The following DOCK1 variants were observed in gnomAD, a reference collection of about 807,000 sequenced individuals.
DOCK1 encodes the protein dedicator of cytokinesis 1, also known as dedicator of cytokinesis protein 1.
DOCK1 carries 138 observed loss-of-function variants against 262.7 expected under a neutral mutation model. The ratio of observed to expected loss-of-function variants is 0.53; its 90% CI spans 0.46 to 0.61. The LOEUF (loss-of-function observed/expected upper bound fraction) is 0.61. Among genes scored for constraint, DOCK1 ranks in the 20% least tolerant of loss-of-function variants. The pLI is 0.00. For missense variants in DOCK1, 1,908 were observed against 2,370.7 expected, an observed-to-expected ratio of 0.80 and a Z score of 4.05; for synonymous variants, 866 against 867.4, an observed-to-expected ratio of 1.00 and a Z score of 0.03.
intron 46 of DOCK1, among the ~76,000 whole-genome samples, chr10:127,422,911 C>A (rs1295399567): frequency 6.6e-6 from 1 of 151,876 alleles, no homozygotes; most frequent in Non-Finnish European, 1.5e-5. Flanking sequence ...AGTTTCAAGT[C>A]CTACAGAGGA....
intron 24 of DOCK1, among the ~76,000 whole-genome samples, chr10:127,108,187 A>G (rs938532119): frequency 2.0e-5 from 3 of 152,256 alleles, no homozygotes; most frequent in Non-Finnish European, 4.4e-5. Flanking sequence ...GTTTTAATAA[A>G]CAGAAGAGAT....
chr10:127,226,867 C>T lies in DOCK1; in HGVS notation c.2848-21141C>T, dbSNP rs565799651. On this transcript the variant is annotated intron_variant, in intron 27 of 51. Transcript: ENST00000623213. ...TTTCTCCCGCTCCCATCCCCACCTT[C>T]ACCTGGGAGGCATGCTATTGCGTTC... is the stretch of plus-strand genomic sequence containing the variant. Among the ~76,000 whole-genome samples, 13 of 152,310 alleles carry T rather than the reference C, an allele frequency of 8.5e-5. No homozygotes were observed. The South Asian group carries it at 2.3e-3, about 27-fold the overall frequency.
chr10:127,318,959 C>CCCT (rs2062403102), intron 29 of DOCK1, among the ~76,000 whole-genome samples: 1 of 152,192 alleles, frequency 6.6e-6, no homozygotes, highest in Non-Finnish European at 1.5e-5. Context: ...TGTCCCTTGA[C>CCCT]CAGAGACTGG....
intron 29 of DOCK1, among the ~76,000 whole-genome samples, chr10:127,310,156 T>G (rs2062012768): frequency 6.6e-6 from 1 of 152,186 alleles, no homozygotes; most frequent in African/African-American, 2.4e-5. Context: ...ATTATAAGCG[T>G]GAGCCACTGC....
intron 14 of DOCK1, among the ~76,000 whole-genome samples, chr10:127,023,720 G>A (rs1183168506): frequency 6.6e-6 from 1 of 151,972 alleles, no homozygotes; most frequent in Non-Finnish European, 1.5e-5. Flanking sequence ...TTACAGGCGT[G>A]AGCCACAGTG....
At chr10:127,140,160 A>G (rs1248623315) in intron 27 of DOCK1, among the ~76,000 whole-genome samples, 7 of 152,206 alleles carry the variant, frequency 4.6e-5, no homozygotes, top group African/African-American at 1.7e-4. Flanking sequence ...TAACAGTACA[A>G]TTTCGGCTAC....
At chr10:127,081,445 T>A (rs975801960) in intron 23 of DOCK1, among the ~76,000 whole-genome samples, 1 of 151,982 alleles carries the variant, frequency 6.6e-6, no homozygotes, top group Non-Finnish European at 1.5e-5. Flanking sequence ...TTAATGCTTC[T>A]GTTGTTCTCA....
chr10:127,114,310 A>T (rs552297396), intron 25 of DOCK1, among the ~76,000 whole-genome samples: 1 of 152,312 alleles, frequency 6.6e-6, no homozygotes, highest in South Asian at 2.1e-4. Context: ...AGAAAGAAGC[A>T]GGACCAGCTA....
In DOCK1 at chr10:127,018,662, A is replaced by T. The variant is rs189515816; in HGVS notation, c.1202-48A>T. On this transcript the variant is annotated intron_variant, in intron 12 of 51. Transcript: ENST00000623213. ...AAATTGGTTTCGTGAAAACTTCTAA[A>T]AATGCATAGGATAAAATGCGACTTA... The T allele has an allele frequency of 5.1e-5, 82 of 1,611,244 alleles. No individual in the cohort carries two copies. The African/African-American group carries it at 9.9e-4, about 19-fold the overall frequency.
intron 38 of DOCK1, among the ~76,000 whole-genome samples, chr10:127,388,797 G>A (rs1302213546): frequency 1.3e-5 from 2 of 152,204 alleles, no homozygotes; most frequent in African/African-American, 2.4e-5. Context: ...AGACTTCAAG[G>A]GGTGGAGAAG....
At chr10:127,197,421 A>G (rs567359992) in intron 27 of DOCK1, among the ~76,000 whole-genome samples, 1 of 152,262 alleles carries the variant, frequency 6.6e-6, no homozygotes, top group Admixed American at 6.5e-5. Flanking sequence ...AGCTCAGAGC[A>G]GCAGACCCAG....
chr10:127,017,193 A>C (rs1424222108), intron 12 of DOCK1, among the ~76,000 whole-genome samples: 1 of 150,968 alleles, frequency 6.6e-6, no homozygotes, highest in African/African-American at 2.4e-5. Context: ...CCACACATAC[A>C]CACGCACACA....
At chr10:127,110,191 CAT>C in intron 24 of DOCK1, 55 bp from the exon 25 acceptor site, 3 of 1,420,086 alleles carry the variant, frequency 2.1e-6, no homozygotes, top group Non-Finnish European at 2.9e-6. Context: ...ATTGTAACAA[CAT>C]TGGATCCTTT....
At chr10:126,966,042 T>C (rs950790963) in intron 1 of DOCK1, among the ~76,000 whole-genome samples, 16 of 152,194 alleles carry the variant, frequency 1.1e-4, no homozygotes, top group Non-Finnish European at 2.4e-4. Context: ...TCTTAGGCTC[T>C]AGTATCCTCT....
intron 27 of DOCK1, among the ~76,000 whole-genome samples, chr10:127,152,213 T>C (rs923998231): frequency 5.3e-5 from 8 of 152,204 alleles, no homozygotes; most frequent in Admixed American, 3.3e-4. Flanking sequence ...CTTCCTAACG[T>C]ACTGATGTTC....
rs183426815 is a variant in DOCK1, at chr10:127,159,401, G to A, written c.2847+31637G>A. 1.4e-4 allele frequency among the ~76,000 whole-genome samples: 21 copies of A among 151,986 alleles called. 1 individual carries two copies. The highest frequency in any genetic ancestry group is 5.9e-5 in the Non-Finnish European group (4 of 68,002). On this transcript the variant is annotated intron_variant, in intron 27 of 51. Coordinates refer to ENST00000623213, the MANE Select transcript of DOCK1 (RefSeq NM_001290223.2). ...GCTACCTTATACCTTTATAATAATC[G>A]GCTCTAATTCTTCAGTTGTTACTAT...
intron 22 of DOCK1, among the ~76,000 whole-genome samples, chr10:127,053,809 C>CTGTA (rs1218050013): frequency 3.3e-5 from 5 of 152,196 alleles, no homozygotes; most frequent in African/African-American, 7.2e-5. Context: ...CGCCTCTTCA[C>CTGTA]TGTATGATTC....
chr10:126,931,239 T>C lies in DOCK1; in HGVS notation c.46+25676T>C, dbSNP rs890580045. The stretch of plus-strand genomic sequence containing the variant: ...GAGCTTAGACTTGGAGAGACATGGA[T>C]AGAAGCCAGGGGGAGAAGTCCAGAC... On this transcript the variant is annotated intron_variant, in intron 1 of 51. Transcript: ENST00000623213. Among the ~76,000 whole-genome samples, 903 of 152,260 alleles carry C rather than the reference T, an allele frequency of 5.9e-3. 8 individuals are homozygous for C. Among genetic ancestry groups the C allele is most frequent in the African/African-American group, 0.02 (832 of 41,536 alleles).
At chr10:127,150,335 A>G (rs966450171) in intron 27 of DOCK1, among the ~76,000 whole-genome samples, 1 of 150,762 alleles carries the variant, frequency 6.6e-6, no homozygotes, top group Non-Finnish European at 1.5e-5. Flanking sequence ...CCCATTGCTC[A>G]CCCTCCCCTT....
Sources: allele counts gnomAD v4.1 joint callset (sites outside exome capture counted in the v4.1 genomes callset), GRCh38; gene constraint gnomAD v4.1.1; transcripts MANE v1.5; gene names NCBI Gene and HGNC (gene_info 2026-07-23, HGNC 2026-07-21).